The following PTPRO variants were observed in gnomAD, a reference collection of about 807,000 sequenced individuals.
PTPRO encodes receptor-type tyrosine-protein phosphatase O.
In PTPRO, 62 loss-of-function variants were observed where a neutral mutation model predicts 145.2. The observed-to-expected ratio is 0.43, with a 90% CI of 0.35 to 0.53. The LOEUF is 0.53. Among genes scored for constraint, PTPRO ranks in the 20% least tolerant of loss-of-function variants. The probability of loss-of-function intolerance (pLI) is 0.01; values close to 1 mark genes in which losing one functional copy is unlikely to be tolerated. For missense variants in PTPRO, 1,345 were observed against 1,482.7 expected, an observed-to-expected ratio of 0.91 and a Z score of 1.53; for synonymous variants, 565 against 514.7, an observed-to-expected ratio of 1.10 and a Z score of -1.32.
chr12:15,520,356 T>C (rs768916372), intron 10 of PTPRO, 44 bp downstream of exon 10: 3 of 1,424,022 alleles, frequency 2.1e-6, no homozygotes, highest in South Asian at 1.1e-5. Flanking sequence ...GAGAGCATTA[T>C]TGTGAGGAGT....
At position 15,322,928 on chromosome 12, in the gene PTPRO, G is replaced by C. The variant is rs1866342742; in HGVS notation, c.75+127G>C. On this transcript the variant is annotated intron_variant, in intron 1 of 26. Coordinates refer to ENST00000281171, the MANE Select transcript of PTPRO (RefSeq NM_030667.3). This position sits in a 1 kb window ranked among gnomAD's most constrained non-coding sequence, Gnocchi z 6.3. ...GGCCCAGCCGCGGGAAGCGCCTGCC[G>C]TGCAGCCTGGGCGCACGCTTTGTTG... The C allele has an allele frequency of 7.9e-6, 7 of 886,996 alleles. No individual in the cohort carries two copies. Among genetic ancestry groups the C allele is most frequent in the African/African-American group, 1.8e-5 (1 of 56,190 alleles). The allele number at this position is 886,996 out of a possible 1,614,324, so 54.9% of individuals were successfully genotyped here.
rs115390011 is a variant in PTPRO at position 15,426,343 on chromosome 12, A to T, written c.76-57631A>T. ...AGTTATCTTGGAATTTTTCTTAGTC[A>T]TATCCGTGAAAATTGTTAGCTTTAT... On this transcript the variant is annotated intron_variant, in intron 1 of 26. Transcript: ENST00000281171. Among the ~76,000 whole-genome samples, 1,141 of 152,098 alleles carry T rather than the reference A, an allele frequency of 7.5e-3. 20 individuals are homozygous for T. Among genetic ancestry groups the T allele is most frequent in the African/African-American group, 0.026 (1,085 of 41,538 alleles).
intron 9 of PTPRO, among the ~76,000 whole-genome samples, chr12:15,518,561 T>C (rs1942648100): frequency 6.6e-6 from 1 of 152,190 alleles, no homozygotes; most frequent in Non-Finnish European, 1.5e-5. Context: ...AAGCTGCAAA[T>C]TTTCCAAACT....
chr12:15,558,185 C>T (rs561742039), intron 16 of PTPRO, among the ~76,000 whole-genome samples: 2 of 152,224 alleles, frequency 1.3e-5, no homozygotes, highest in African/African-American at 2.4e-5. Flanking sequence ...CCTCCCACCT[C>T]GGCCTCCCAA....
chr12:15,579,417 T>C (rs933617848), intron 20 of PTPRO, among the ~76,000 whole-genome samples: 1 of 152,228 alleles, frequency 6.6e-6, no homozygotes, highest in Non-Finnish European at 1.5e-5. Context: ...ACAATTAAAA[T>C]ACATTCCAGT....
chr12:15,579,956 A>T, intron 20 of PTPRO, 83 bp from the exon 21 acceptor site: 1 of 1,042,400 alleles, frequency 9.6e-7, no homozygotes, highest in Non-Finnish European at 1.5e-6. Flanking sequence ...TGACTGATTT[A>T]ACTTAATATT....
chr12:15,581,106 T>C (rs1009843509), intron 22 of PTPRO, among the ~76,000 whole-genome samples: 1 of 152,218 alleles, frequency 6.6e-6, no homozygotes, highest in East Asian at 1.9e-4. Context: ...TTAGCACTAG[T>C]AAAGTTTTGG....
intron 12 of PTPRO, among the ~76,000 whole-genome samples, chr12:15,539,743 C>A: frequency 9.8e-6 from 1 of 102,332 alleles, no homozygotes; most frequent in African/African-American, 3.9e-5. Flanking sequence ...GTCTGGGTGA[C>A]AGACTGAGAC....
At chr12:15,407,324 A>G (rs528263610) in intron 1 of PTPRO, among the ~76,000 whole-genome samples, 5 of 152,276 alleles carry the variant, frequency 3.3e-5, no homozygotes, top group African/African-American at 9.6e-5. Context: ...ATTGAAATTC[A>G]TTTTGTGCAT....
intron 1 of PTPRO, among the ~76,000 whole-genome samples, chr12:15,471,856 G>A (rs1182451134): frequency 6.6e-6 from 1 of 152,206 alleles, no homozygotes; most frequent in Non-Finnish European, 1.5e-5. Context: ...GACAATTTCT[G>A]AGAGTTGTGA....
intron 1 of PTPRO, among the ~76,000 whole-genome samples, chr12:15,469,183 A>G (rs1160198123): frequency 1.3e-5 from 2 of 152,208 alleles, no homozygotes; most frequent in African/African-American, 4.8e-5. Flanking sequence ...CATCTTTCAC[A>G]TTATCTTTCA....
At chr12:15,535,451 A>G (rs1943047999) in intron 12 of PTPRO, among the ~76,000 whole-genome samples, 1 of 152,148 alleles carries the variant, frequency 6.6e-6, no homozygotes, top group South Asian at 2.1e-4. Flanking sequence ...CAAAAACAGA[A>G]TTGCACACCA....
chr12:15,522,302 A>G (rs1271613058), intron 10 of PTPRO, among the ~76,000 whole-genome samples: 3 of 150,376 alleles, frequency 2.0e-5, no homozygotes, highest in Non-Finnish European at 4.4e-5. Flanking sequence ...CAGAACATGC[A>G]GTTTGTTACA....
At chr12:15,457,174 G>T (rs1201874070) in intron 1 of PTPRO, among the ~76,000 whole-genome samples, 1 of 152,184 alleles carries the variant, frequency 6.6e-6, no homozygotes, top group South Asian at 2.1e-4. Context: ...TTTGCTCGGG[G>T]CTCTTGGGCC....
At chr12:15,487,589 G>GC (rs1275832745) in intron 2 of PTPRO, among the ~76,000 whole-genome samples, 1 of 151,748 alleles carries the variant, frequency 6.6e-6, no homozygotes, top group East Asian at 1.9e-4. Context: ...CCCATCCCCA[G>GC]CCCCCCAGAG....
chr12:15,403,219 A>G (rs1441920853), intron 1 of PTPRO, among the ~76,000 whole-genome samples: 1 of 152,106 alleles, frequency 6.6e-6, no homozygotes, highest in East Asian at 1.9e-4. Flanking sequence ...CTCCAGCTTC[A>G]TCGGCATTTC....
At chr12:15,560,165 T>C (rs1231836877) in intron 16 of PTPRO, 28 bp from the exon 17 acceptor site, 3 of 1,506,054 alleles carry the variant, frequency 2.0e-6, no homozygotes, top group Non-Finnish European at 2.8e-6. Flanking sequence ...TTTTCATCTT[T>C]CCATCTGTTG....
chr12:15,360,230 T>C (rs1390266324), intron 1 of PTPRO, among the ~76,000 whole-genome samples: 1 of 152,188 alleles, frequency 6.6e-6, no homozygotes, highest in Non-Finnish European at 1.5e-5. Context: ...AAGGAGCTTA[T>C]CAGTGTGGCT....
intron 1 of PTPRO, among the ~76,000 whole-genome samples, chr12:15,445,575 C>T (rs1387172657): frequency 1.3e-5 from 2 of 152,096 alleles, no homozygotes; most frequent in African/African-American, 4.8e-5. Context: ...TGTGGCCTAA[C>T]CTAATGTTAA....
Sources: allele counts gnomAD v4.1 joint callset (sites outside exome capture counted in the v4.1 genomes callset), GRCh38; gene constraint gnomAD v4.1.1; non-coding constraint Gnocchi (gnomAD v3.1); transcripts MANE v1.5; gene names NCBI Gene and HGNC (gene_info 2026-07-23, HGNC 2026-07-21).